MIB1: variants seen among roughly 807,000 people sequenced by gnomAD.
MIB1 encodes the protein MIB E3 ubiquitin protein ligase 1, also known as E3 ubiquitin-protein ligase MIB1.
MIB1 carries 278 observed loss-of-function variants against 124.5 expected under a neutral mutation model. The ratio of observed to expected loss-of-function variants is 2.23; its 90% CI spans 2.02 to 2.47. MIB1 has a LOEUF of 2.47. Among genes scored for constraint, MIB1 ranks in the 30% most tolerant of loss-of-function variants. The pLI, the probability that MIB1 is intolerant of heterozygous loss-of-function variation, is 0.00. For missense variants in MIB1, 957 were observed against 1,254.4 expected (o/e 0.76, Z 3.58); for synonymous variants, 446 against 429.4 (o/e 1.04, Z -0.48).
chr18:21,853,651 T>C (rs2042200505), intron 18 of MIB1, among the ~76,000 whole-genome samples: 1 of 152,196 alleles, frequency 6.6e-6, no homozygotes, highest in African/African-American at 2.4e-5. Flanking sequence ...GGGGCTGTAA[T>C]TTCTGGCCTT....
chr18:21,784,050 C>CTT (rs1175848884), intron 6 of MIB1, among the ~76,000 whole-genome samples: 17 of 132,732 alleles, frequency 1.3e-4, no homozygotes, highest in East Asian at 2.2e-4. Context: ...GCCTGTGTTG[C>CTT]TTTTTTTTTT....
intron 1 of MIB1, among the ~76,000 whole-genome samples, chr18:21,751,664 G>A (rs2040976776): frequency 6.6e-6 from 1 of 151,796 alleles, no homozygotes; most frequent in Non-Finnish European, 1.5e-5. Flanking sequence ...ATTTTATTGG[G>A]GGAAAAATCC....
At position 21,866,339 on chromosome 18, in the gene MIB1, A is replaced by G. The variant is rs2042321105; in HGVS notation, c.*1673A>G. 6.6e-6 allele frequency: 1 copy of G among 152,124 alleles called. No homozygotes were observed. Among genetic ancestry groups the G allele is most frequent in the Non-Finnish European group, 1.5e-5 (1 of 68,016 alleles). 9.4% of individuals were successfully genotyped at this position (152,124 alleles called of 1,614,324 possible). A position where few individuals can be genotyped will look rare whatever the true frequency, so the allele number is the denominator to read the frequency against. ...AACTGCTATCATTTAGAACAGTAAA[A>G]TTTTTATAGATTTCAAATTTGAAAA... On this transcript the variant is annotated 3_prime_UTR_variant, in exon 21 of 21. Transcript: ENST00000261537.
At chr18:21,861,925 A>G (rs1046609158) in intron 20 of MIB1, among the ~76,000 whole-genome samples, 6 of 151,740 alleles carry the variant, frequency 4.0e-5, no homozygotes, top group African/African-American at 1.2e-4. Context: ...TTTTTGAGAC[A>G]GGATCTTACT....
chr18:21,724,727 A>AAAAAAAATAT (rs1350936232), intron 1 of MIB1, among the ~76,000 whole-genome samples: 1 of 17,376 alleles, frequency 5.8e-5, no homozygotes, highest in African/African-American at 1.8e-4. Context: ...AAAAAAAAAA[A>AAAAAAAATAT]ATATATATAT....
chr18:21,710,349 C>T (rs1005263452), intron 1 of MIB1, among the ~76,000 whole-genome samples: 2 of 152,202 alleles, frequency 1.3e-5, no homozygotes, highest in Non-Finnish European at 2.9e-5. Context: ...CCGCCTGAGC[C>T]TTCCAGAGTT....
chr18:21,815,813 G>C lies in MIB1; in HGVS notation c.1677G>C (p.Gln559His), dbSNP rs908871542. 1.2e-6 allele frequency: 2 copies of C among 1,613,664 alleles called. No homozygotes were observed. The highest frequency in any genetic ancestry group is 1.7e-5 in the Admixed American group (1 of 59,980). The change falls in exon 11 of 21, where the codon CAG (glutamine) becomes CAC (histidine). Residue 559 changes from glutamine (Q) to histidine (H), a missense_variant and splice_region_variant. By Grantham distance (24) the Gln-to-His change is conservative (BLOSUM62 0). Coordinates refer to ENST00000261537, the MANE Select transcript of MIB1 (RefSeq NM_020774.4). ...LLDFGCHPSL[Q>H]DSEGDTPLHD... ...ACTTTGGCTGTCATCCCAGTCTCCA[G>C]GTAAAACCTTTAAAGAAACACATCC...
chr18:21,741,887 G>T lies in MIB1; in HGVS notation c.229+75G>T, dbSNP rs1598586540. The T allele has an allele frequency of 3.0e-6, 4 of 1,354,832 alleles. No homozygotes were observed. Among genetic ancestry groups the T allele is most frequent in the Non-Finnish European group, 4.0e-6 (4 of 1,003,172 alleles). The allele number at this position is 1,354,832 out of a possible 1,614,324, so 83.9% of individuals were successfully genotyped here. A position where few individuals can be genotyped will look rare whatever the true frequency, so the allele number is the denominator to read the frequency against. Reference sequence around the variant, plus strand: ...GAGCTGCGGTGGGCGTCGGTGTCGCGGGGAGAGGTCTGCAGTGGGACACCT... The same window carrying T: ...GAGCTGCGGTGGGCGTCGGTGTCGCTGGGAGAGGTCTGCAGTGGGACACCT... On this transcript the variant is annotated intron_variant, in intron 1 of 20. Transcript: ENST00000261537. The surrounding 1 kb of genome is among the most constrained non-coding windows in gnomAD (Gnocchi z 5.4).
At chr18:21,730,230 T>C (rs545553611) in intron 1 of MIB1, among the ~76,000 whole-genome samples, 71 of 152,180 alleles carry the variant, frequency 4.7e-4, no homozygotes, top group Non-Finnish European at 9.0e-4. Flanking sequence ...TTTCCTTTCT[T>C]CGGCTCATAT....
chr18:21,722,589 T>G (rs2146359058), intron 1 of MIB1, among the ~76,000 whole-genome samples: 1 of 151,708 alleles, frequency 6.6e-6, no homozygotes, highest in East Asian at 2.0e-4. Flanking sequence ...CAGACTAGTC[T>G]TGAACTCCAG....
At chr18:21,791,067 A>C (rs1299355680) in intron 6 of MIB1, among the ~76,000 whole-genome samples, 1 of 151,566 alleles carries the variant, frequency 6.6e-6, no homozygotes, top group Non-Finnish European at 1.5e-5. Flanking sequence ...AGCTGGGCAC[A>C]GTGGCATGCG....
At chr18:21,721,980 G>A (rs2040717615) in intron 1 of MIB1, among the ~76,000 whole-genome samples, 3 of 152,002 alleles carry the variant, frequency 2.0e-5, no homozygotes, top group Non-Finnish European at 4.4e-5. Context: ...TCTAATTCAG[G>A]GTCTATCATT....
chr18:21,839,227 T>C (rs1347762388), intron 13 of MIB1, among the ~76,000 whole-genome samples: 1 of 152,188 alleles, frequency 6.6e-6, no homozygotes, highest in Non-Finnish European at 1.5e-5. Flanking sequence ...TACCAAATTA[T>C]AAGGTATACA....
rs1259153765 is a variant in MIB1 at position 21,741,323 on chromosome 18, C to T, written c.-261C>T. On this transcript the variant is annotated 5_prime_UTR_variant, in exon 1 of 21. Coordinates refer to ENST00000261537, the MANE Select transcript of MIB1 (RefSeq NM_020774.4). The surrounding 1 kb of genome is among the most constrained non-coding windows in gnomAD (Gnocchi z 5.4). ...CCGCCCACGGCCCCCTCCCCTCTGCCCGCTCTCCGCCGCCGCCTCCGAGCA... is the reference window on the plus strand; with the variant it reads ...CCGCCCACGGCCCCCTCCCCTCTGCTCGCTCTCCGCCGCCGCCTCCGAGCA... The T allele has an allele frequency of 5.9e-6, 1 of 170,940 alleles. No individual in the cohort carries two copies. Among genetic ancestry groups the T allele is most frequent in the Non-Finnish European group, 1.2e-5 (1 of 81,230 alleles). 10.6% of individuals were successfully genotyped at this position (170,940 alleles called of 1,614,324 possible). A position where few individuals can be genotyped will look rare whatever the true frequency, so the allele number is the denominator to read the frequency against.
chr18:21,759,666 G>T (rs1331596808), intron 1 of MIB1, among the ~76,000 whole-genome samples: 1 of 152,072 alleles, frequency 6.6e-6, no homozygotes, highest in Non-Finnish European at 1.5e-5. Flanking sequence ...CCATTCTGTT[G>T]TTAATGAACA....
chr18:21,705,217 C>T (rs2040613521), intron 1 of MIB1: 1 of 152,276 alleles, frequency 6.6e-6, no homozygotes, highest in Admixed American at 6.5e-5. Context: ...TTGCGTTGGT[C>T]CTCAAGACTA....
At chr18:21,840,703 G>A (rs2042080711) in intron 13 of MIB1, among the ~76,000 whole-genome samples, 1 of 146,482 alleles carries the variant, frequency 6.8e-6, no homozygotes, top group African/African-American at 2.5e-5. Flanking sequence ...GTGGTGGCAT[G>A]TGCCTGTGTC....
chr18:21,798,355 A>T, intron 8 of MIB1, 127 bp downstream of exon 8: 1 of 932,152 alleles, frequency 1.1e-6, no homozygotes, highest in Non-Finnish European at 1.5e-6. Flanking sequence ...ACACAGCCTT[A>T]CTTGAATGTT....
chr18:21,861,558 A>G (rs558638212), intron 20 of MIB1, among the ~76,000 whole-genome samples: 6 of 151,948 alleles, frequency 3.9e-5, no homozygotes, highest in Admixed American at 2.6e-4. Context: ...CCTCATCGCC[A>G]TATTTTATCA....
Sources: gnomAD v4.1 joint callset for allele counts (sites outside exome capture counted in the v4.1 genomes callset) on GRCh38, gnomAD v4.1.1 for gene constraint, Gnocchi (gnomAD v3.1) non-coding constraint, MANE v1.5 for transcripts, NCBI Gene and HGNC (gene_info 2026-07-23, HGNC 2026-07-21) for gene names.